SH3RF3: variants seen among roughly 807,000 people sequenced by gnomAD.
The protein encoded by SH3RF3 is SH3 domain containing ring finger 3, also known as E3 ubiquitin-protein ligase SH3RF3.
Under a neutral mutation model 66.3 loss-of-function variants are expected in SH3RF3, and 29 were observed. The ratio of observed to expected loss-of-function variants is 0.44; its 90% CI spans 0.33 to 0.60. The LOEUF is 0.60. Ranked by LOEUF, SH3RF3 falls within the 20% of genes least tolerant of loss-of-function variation. SH3RF3 has a pLI of 0.04. For missense variants in SH3RF3, 1,194 were observed against 1,190.9 expected (o/e 1.00, Z -0.04); for synonymous variants, 583 against 532.0 (o/e 1.10, Z -1.32).
intron 1 of SH3RF3, among the ~76,000 whole-genome samples, chr2:109,254,065 T>C (rs189635104): frequency 1.7e-4 from 26 of 151,928 alleles, no homozygotes; most frequent in Admixed American, 8.5e-4. Flanking sequence ...CTTGAAGGGG[T>C]GCTTTTTCTG....
At position 109,130,101 on chromosome 2, in the gene SH3RF3, G is replaced by A. The variant is rs77039993; in HGVS notation, c.561G>A (p.Ala187=). The stretch of plus-strand genomic sequence containing the variant: ...GGGAGCTGGCGACCAGCAGGACCGC[G>A]CCGGCGGCAAAGGTGAGTATCTGTC... ...SLRELATSRT[A]PAAKNPCLLP... is the part of the protein sequence containing the mutation. The change falls in exon 1 of 10, where the codon GCG becomes GCA. Residue 187 remains alanine, a synonymous_variant. Transcript: ENST00000309415. 1.8e-3 allele frequency: 2,394 copies of A among 1,335,198 alleles called. 55 individuals are homozygous for A. The African/African-American group carries it at 0.033, about 18-fold the overall frequency. The allele number at this position is 1,335,198 out of a possible 1,614,324, so 82.7% of individuals were successfully genotyped here. A position where few individuals can be genotyped will look rare whatever the true frequency, so the allele number is the denominator to read the frequency against.
At chr2:109,224,583 C>T (rs148270477) in intron 1 of SH3RF3, among the ~76,000 whole-genome samples, 27 of 152,234 alleles carry the variant, frequency 1.8e-4, no homozygotes, top group African/African-American at 6.3e-4. Context: ...TTTTGCCAGG[C>T]GCAGTGGCTC....
intron 9 of SH3RF3, among the ~76,000 whole-genome samples, chr2:109,500,302 T>G (rs2104414920): frequency 6.6e-6 from 1 of 152,202 alleles, no homozygotes; most frequent in Middle Eastern, 3.4e-3. Flanking sequence ...GAACTCTTGG[T>G]CAGTGCCACA....
intron 3 of SH3RF3, among the ~76,000 whole-genome samples, chr2:109,373,686 G>A (rs1683323034): frequency 6.6e-6 from 1 of 152,174 alleles, no homozygotes; most frequent in Admixed American, 6.5e-5. Context: ...GCTGCAGAAA[G>A]GTTTCGTGTC....
chr2:109,410,922 A>G (rs997529984), intron 4 of SH3RF3, among the ~76,000 whole-genome samples: 1 of 152,170 alleles, frequency 6.6e-6, no homozygotes, highest in Non-Finnish European at 1.5e-5. Context: ...ATTTTTACTC[A>G]AAGGCACCTG....
intron 1 of SH3RF3, among the ~76,000 whole-genome samples, chr2:109,346,371 G>A (rs1184857146): frequency 3.3e-5 from 5 of 152,158 alleles, no homozygotes; most frequent in Admixed American, 6.5e-5. Flanking sequence ...AGAGTTTTTC[G>A]ATGTACTACT....
intron 1 of SH3RF3, among the ~76,000 whole-genome samples, chr2:109,171,300 G>A (rs768555383): frequency 1.1e-4 from 16 of 151,958 alleles, no homozygotes; most frequent in Admixed American, 4.6e-4. Flanking sequence ...TTATTTCCTT[G>A]TCATATCTAT....
At chr2:109,490,088 A>G (rs981088076) in intron 8 of SH3RF3, among the ~76,000 whole-genome samples, 4 of 152,066 alleles carry the variant, frequency 2.6e-5, no homozygotes, top group Admixed American at 2.6e-4. Context: ...GCCACTTTAC[A>G]AGGTTATCTT....
At chr2:109,247,944 T>G (rs1435569865) in intron 1 of SH3RF3, among the ~76,000 whole-genome samples, 1 of 152,174 alleles carries the variant, frequency 6.6e-6, no homozygotes, top group Non-Finnish European at 1.5e-5. Context: ...GACTCCAACG[T>G]GCAAGCGCTT....
At chr2:109,160,993 G>A (rs528774907) in intron 1 of SH3RF3, among the ~76,000 whole-genome samples, 1 of 152,228 alleles carries the variant, frequency 6.6e-6, no homozygotes, top group Non-Finnish European at 1.5e-5. Flanking sequence ...GGGATCCCTG[G>A]GAGAACTGAG....
chr2:109,257,349 G>A (rs1366454235), intron 1 of SH3RF3, among the ~76,000 whole-genome samples: 1 of 151,650 alleles, frequency 6.6e-6, no homozygotes, highest in Non-Finnish European at 1.5e-5. Flanking sequence ...AAGGAATTGA[G>A]GAGGGAATGA....
At chr2:109,191,704 G>A (rs1395085893) in intron 1 of SH3RF3, among the ~76,000 whole-genome samples, 30 of 152,180 alleles carry the variant, frequency 2.0e-4, no homozygotes, top group Admixed American at 1.9e-3. Flanking sequence ...GGACCAGTGC[G>A]TTTCTCCTTG....
intron 2 of SH3RF3, among the ~76,000 whole-genome samples, chr2:109,350,461 T>A (rs566384420): frequency 6.6e-6 from 1 of 152,350 alleles, no homozygotes; most frequent in African/African-American, 2.4e-5. Flanking sequence ...CCAGAGGGAC[T>A]TGTGCTGTGA....
At chr2:109,388,943 G>A (rs1428615060) in intron 3 of SH3RF3, among the ~76,000 whole-genome samples, 1 of 152,174 alleles carries the variant, frequency 6.6e-6, no homozygotes, top group Non-Finnish European at 1.5e-5. Context: ...GAGAACATGA[G>A]GGCTGCAGTG....
At chr2:109,359,108 T>C (rs1030241340) in intron 2 of SH3RF3, among the ~76,000 whole-genome samples, 1 of 152,228 alleles carries the variant, frequency 6.6e-6, no homozygotes, top group Non-Finnish European at 1.5e-5. Context: ...GGTTTATTTC[T>C]GGGTGCTCTC....
At chr2:109,448,253 C>T (rs1018397999) in intron 7 of SH3RF3, among the ~76,000 whole-genome samples, 1 of 152,172 alleles carries the variant, frequency 6.6e-6, no homozygotes, top group African/African-American at 2.4e-5. Context: ...CATTTTACAA[C>T]CATATTTCAA....
At chr2:109,303,888 G>A (rs1215556560) in intron 1 of SH3RF3, among the ~76,000 whole-genome samples, 1 of 151,968 alleles carries the variant, frequency 6.6e-6, no homozygotes, top group Non-Finnish European at 1.5e-5. Flanking sequence ...TATTAACATT[G>A]TTATTATTTT....
At chr2:109,411,674 C>T (rs967433870) in intron 4 of SH3RF3, among the ~76,000 whole-genome samples, 2 of 152,122 alleles carry the variant, frequency 1.3e-5, no homozygotes, top group Non-Finnish European at 2.9e-5. Context: ...GCAGGATGTC[C>T]CTCGCACCCC....
chr2:109,479,009 CA>C (rs1678762684), intron 8 of SH3RF3, among the ~76,000 whole-genome samples: 1 of 152,206 alleles, frequency 6.6e-6, no homozygotes, highest in Non-Finnish European at 1.5e-5. Context: ...GCGGGAGCTG[CA>C]GCCTCCTGGA....
Sources: gnomAD v4.1 joint callset for allele counts (sites outside exome capture counted in the v4.1 genomes callset) on GRCh38, gnomAD v4.1.1 for gene constraint, MANE v1.5 for transcripts, NCBI Gene and HGNC (gene_info 2026-07-23, HGNC 2026-07-21) for gene names.